SLC8A3: variants seen among roughly 807,000 people sequenced by gnomAD.
SLC8A3 encodes the protein sodium/calcium exchanger 3.
SLC8A3 carries 37 observed loss-of-function variants against 65.4 expected under a neutral mutation model. The observed-to-expected ratio is 0.57, with a 90% CI of 0.44 to 0.74. SLC8A3 has a LOEUF of 0.74. Among genes scored for constraint, SLC8A3 ranks in the 30% least tolerant of loss-of-function variants. SLC8A3 has a pLI of 0.00. For missense variants in SLC8A3, 1,112 were observed against 1,172.1 expected (o/e 0.95, Z 0.75); for synonymous variants, 461 against 444.5 (o/e 1.04, Z -0.47).
At chr14:70,114,019 C>T (rs1595007021) in intron 2 of SLC8A3, among the ~76,000 whole-genome samples, 1 of 152,316 alleles carries the variant, frequency 6.6e-6, no homozygotes, top group East Asian at 1.9e-4. Flanking sequence ...GCCCTCCCTA[C>T]ATGGCATTCA....
chr14:70,124,332 T>C (rs1052795317), intron 2 of SLC8A3, among the ~76,000 whole-genome samples: 5 of 152,206 alleles, frequency 3.3e-5, no homozygotes, highest in Non-Finnish European at 5.9e-5. Flanking sequence ...TCACCACCTC[T>C]TCCCTCACTC....
At position 70,166,864 on chromosome 14, in the gene SLC8A3, G is replaced by A; in HGVS notation, c.1559C>T (p.Thr520Ile). Residue 520 changes from threonine (T) to isoleucine (I), a missense_variant, in exon 2 of 7, where the codon ACA (threonine) becomes ATA (isoleucine). By Grantham distance (89) the Thr-to-Ile change is moderately conservative. Transcript: ENST00000356921. ...RAVLASPCVA[T>I]VTILDDDHAG... ...ATGGTCATCATCCAAGATGGTAACT[G>A]TGGCCACACAAGGGGAGGCTAGGAC... 5.0e-6 allele frequency: 8 copies of A among 1,614,124 alleles called. No homozygotes were observed. The highest frequency in any genetic ancestry group is 6.8e-6 in the Non-Finnish European group (8 of 1,179,956).
chr14:70,131,379 G>T (rs150547355), intron 2 of SLC8A3, among the ~76,000 whole-genome samples: 1 of 152,348 alleles, frequency 6.6e-6, no homozygotes, highest in East Asian at 1.9e-4. Flanking sequence ...GACAAGGTTT[G>T]GTTGGAATCC....
chr14:70,049,031 C>G lies in SLC8A3; in HGVS notation c.2125G>C (p.Asp709His). The G allele has an allele frequency of 6.2e-7, 1 of 1,606,868 alleles. No homozygotes were observed. The highest frequency in any genetic ancestry group is 8.5e-7 in the Non-Finnish European group (1 of 1,175,142). ...CTCTCCTCCCCGGATTCATCCTCAT[C>G]CTCATCCCCTGCTGAAGGCAAGATA... ...AITVSAAGDE[D>H]EDESGEERLP... The change falls in exon 6 of 7, where the codon GAT becomes CAT. Residue 709 changes from aspartate to histidine, a missense_variant. Asp to His is a moderately conservative substitution (Grantham distance 81, BLOSUM62 -1). Transcript: ENST00000356921.
intron 2 of SLC8A3, among the ~76,000 whole-genome samples, chr14:70,145,757 C>A (rs9672017): frequency 1.3e-5 from 2 of 152,180 alleles, no homozygotes; most frequent in Non-Finnish European, 2.9e-5. Flanking sequence ...AACACCCTGT[C>A]CCCCAGCCCT....
At chr14:70,093,345 G>T (rs1369970063) in intron 2 of SLC8A3, among the ~76,000 whole-genome samples, 1 of 152,180 alleles carries the variant, frequency 6.6e-6, no homozygotes, top group African/African-American at 2.4e-5. Flanking sequence ...GGTGCACAGG[G>T]TATTTGGTGT....
intron 2 of SLC8A3, among the ~76,000 whole-genome samples, chr14:70,069,671 A>G (rs1889820343): frequency 6.6e-6 from 1 of 151,842 alleles, no homozygotes; most frequent in South Asian, 2.1e-4. Context: ...CCCCACCGCC[A>G]CCTGTCACCA....
intron 2 of SLC8A3, among the ~76,000 whole-genome samples, chr14:70,131,116 A>G (rs1017859173): frequency 1.3e-5 from 2 of 152,196 alleles, no homozygotes; most frequent in Admixed American, 1.3e-4. Context: ...GAAAACAGTC[A>G]GGAGAATGCT....
intron 2 of SLC8A3, among the ~76,000 whole-genome samples, chr14:70,094,976 G>A (rs1357460276): frequency 1.3e-5 from 2 of 152,226 alleles, no homozygotes; most frequent in Non-Finnish European, 2.9e-5. Context: ...CAGACACAGA[G>A]CTGTGTCCAC....
intron 2 of SLC8A3, chr14:70,080,362 C>T (rs1318917025): frequency 5.5e-6 from 2 of 360,628 alleles, no homozygotes; most frequent in Non-Finnish European, 7.7e-6. Flanking sequence ...CTGGCTGGTA[C>T]TCTCCAAGGA....
chr14:70,075,940 G>T (rs540294576), intron 2 of SLC8A3, among the ~76,000 whole-genome samples: 8 of 152,114 alleles, frequency 5.3e-5, no homozygotes, highest in Non-Finnish European at 1.2e-4. Context: ...TGGGGCCTGA[G>T]AATTTGCATT....
chr14:70,083,452 A>T (rs1375464247), intron 2 of SLC8A3, among the ~76,000 whole-genome samples: 1 of 152,188 alleles, frequency 6.6e-6, no homozygotes, highest in Non-Finnish European at 1.5e-5. Context: ...TTCAGCTGCA[A>T]ACGTCTTAAG....
chr14:70,165,474 C>T (rs550268050), intron 2 of SLC8A3, among the ~76,000 whole-genome samples: 1 of 152,244 alleles, frequency 6.6e-6, no homozygotes, highest in African/African-American at 2.4e-5. Flanking sequence ...AAACAGACAC[C>T]CCACACACAC....
chr14:70,067,953 A>G (rs546309972), intron 2 of SLC8A3, among the ~76,000 whole-genome samples: 1 of 152,284 alleles, frequency 6.6e-6, no homozygotes, highest in East Asian at 1.9e-4. Context: ...AGGCTCCAGG[A>G]CCTGCACCTG....
intron 4 of SLC8A3, 46 bp from the exon 5 acceptor site, chr14:70,051,153 G>T: frequency 7.8e-7 from 1 of 1,278,072 alleles, no homozygotes; most frequent in Non-Finnish European, 1.1e-6. Context: ...AGAATGCTCA[G>T]AACCAATGAG....
intron 1 of SLC8A3, among the ~76,000 whole-genome samples, 155 bp downstream of exon 1, chr14:70,188,224 A>T (rs903798013): frequency 6.6e-6 from 1 of 152,144 alleles, no homozygotes; most frequent in South Asian, 2.1e-4. Context: ...AATCCACAGG[A>T]AGGCGGTTCA....
At position 70,051,035 on chromosome 14, in the gene SLC8A3, A is replaced by G. The variant is rs772863681; in HGVS notation, c.2086T>C (p.Phe696Leu). ...GCACTGACGGTGATGGCCTCCATGA[A>G]CTGGTCCCTCCAGGAATGGGTCCCC... ...VVGTHSWRDQ[F>L]MEAITVSAAG... Residue 696 changes from phenylalanine (F) to leucine (L), a missense_variant, in exon 5 of 7, where the codon TTC becomes CTC. Transcript: ENST00000356921. The G allele has an allele frequency of 1.9e-5, 30 of 1,613,066 alleles. No homozygotes were observed. The highest frequency in any genetic ancestry group is 2.5e-5 in the Non-Finnish European group (29 of 1,179,236).
Position 70,045,498 on chromosome 14 carries a change from G to A in SLC8A3, c.*449C>T, listed in dbSNP as rs1385756829. Reference sequence around the variant, plus strand: ...ACAATGAAAAAAGAACCCCACCCCAGCCACATGAATGTGACTCATTTTCAC... The same window carrying A: ...ACAATGAAAAAAGAACCCCACCCCAACCACATGAATGTGACTCATTTTCAC... On this transcript the variant is annotated 3_prime_UTR_variant, in exon 7 of 7. Transcript: ENST00000356921. 6.5e-6 allele frequency: 1 copy of A among 154,996 alleles called. No individual in the cohort carries two copies. The highest frequency in any genetic ancestry group is 1.4e-5 in the Non-Finnish European group (1 of 70,172). 9.6% of individuals were successfully genotyped at this position (154,996 alleles called of 1,614,324 possible). A position where few individuals can be genotyped will look rare whatever the true frequency, so the allele number is the denominator to read the frequency against.
intron 2 of SLC8A3, among the ~76,000 whole-genome samples, chr14:70,103,992 A>G (rs1438857055): frequency 1.3e-5 from 2 of 152,122 alleles, no homozygotes; most frequent in Non-Finnish European, 2.9e-5. Flanking sequence ...CTACATTCAT[A>G]TCAGTTAAAA....
Sources: allele counts gnomAD v4.1 joint callset (sites outside exome capture counted in the v4.1 genomes callset), GRCh38; gene constraint gnomAD v4.1.1; transcripts MANE v1.5; gene names NCBI Gene and HGNC (gene_info 2026-07-23, HGNC 2026-07-21).